The following PRDM4 variants were observed in gnomAD, a reference collection of about 807,000 sequenced individuals.
PRDM4 encodes the protein PR domain zinc finger protein 4.
PRDM4 carries 38 observed loss-of-function variants against 62.3 expected under a neutral mutation model. The ratio of observed to expected loss-of-function variants is 0.61; its 90% CI spans 0.47 to 0.80. The LOEUF (loss-of-function observed/expected upper bound fraction) is 0.80, where lower values mean the gene tolerates loss of function less well. Among genes scored for constraint, PRDM4 ranks in the 30% least tolerant of loss-of-function variants. PRDM4 has a pLI of 0.00. For synonymous variants in PRDM4, 339 were observed against 348.2 expected, an observed-to-expected ratio of 0.97 and a Z score of 0.30; for missense variants, 858 against 997.1, an observed-to-expected ratio of 0.86 and a Z score of 1.88.
intron 2 of PRDM4, chr12:107,759,976 T>C (rs2136339242): frequency 6.6e-6 from 1 of 152,432 alleles, no homozygotes; most frequent in South Asian, 2.1e-4. Flanking sequence ...TGCAGCCACT[T>C]TGAAAAATGC....
intron 3 of PRDM4, among the ~76,000 whole-genome samples, chr12:107,755,090 ATTT>A (rs879496922): frequency 1.4e-5 from 2 of 146,792 alleles, no homozygotes; most frequent in African/African-American, 5.0e-5. Context: ...CAGGGGCAAT[ATTT>A]TTTTTTTTTG....
Position 107,751,493 on chromosome 12 carries a change from G to T in PRDM4, c.1048C>A (p.Leu350Ile), listed in dbSNP as rs776684467. 3.7e-6 allele frequency: 6 copies of T among 1,613,894 alleles called. No individual in the cohort carries two copies. In the Admixed American group the frequency reaches 1.0e-4, roughly 27 times the overall value. ...TGCAGTGAAGGTGATACAAAAGAAA[G>T]ACTGTCTGAAGATACATCTACATGA... ...TGHVDVSSDS[L>I]SFVSPSLQME... Residue 350 changes from leucine (L) to isoleucine (I), a missense_variant, in exon 5 of 12, where the codon CTT becomes ATT. Physicochemically the swap from Leu to Ile is conservative, Grantham distance 5 (BLOSUM62 2). This residue lies in a region of PRDM4 where 499 missense variants were observed against 546.7 expected (regional missense o/e 0.91). Transcript: ENST00000228437.
chr12:107,742,088 G>T, intron 9 of PRDM4, 133 bp downstream of exon 9: 1 of 972,408 alleles, frequency 1.0e-6, no homozygotes, highest in Non-Finnish European at 1.5e-6. Context: ...TCAAATACAA[G>T]TAATAGTTTG....
chr12:107,747,897 T>C (rs1233410214), intron 5 of PRDM4, among the ~76,000 whole-genome samples: 1 of 152,120 alleles, frequency 6.6e-6, no homozygotes, highest in African/African-American at 2.4e-5. Flanking sequence ...ACCACAGGCA[T>C]GCACCACCAC....
At chr12:107,741,909 G>A (rs1267193424) in intron 9 of PRDM4, among the ~76,000 whole-genome samples, 5 of 152,130 alleles carry the variant, frequency 3.3e-5, no homozygotes, top group Admixed American at 6.6e-5. Context: ...TCAAACCGAG[G>A]GACTTCGCTG....
intron 7 of PRDM4, among the ~76,000 whole-genome samples, chr12:107,743,719 C>T (rs1186219325): frequency 6.6e-6 from 1 of 152,170 alleles, no homozygotes; most frequent in Non-Finnish European, 1.5e-5. Context: ...CTTACCTTTC[C>T]AAAGATCACA....
At position 107,743,205 on chromosome 12, in the gene PRDM4, G is replaced by A; in HGVS notation, c.1473C>T (p.Arg491=). 1 of 1,609,584 alleles carries A rather than the reference G, an allele frequency of 6.2e-7. No homozygotes were observed. The highest frequency in any genetic ancestry group is 1.1e-5 in the South Asian group (1 of 90,992). Residue 491 remains arginine (R), a synonymous_variant, in exon 8 of 12, where the codon CGC becomes CGT. Transcript: ENST00000228437. ...TCCAAGACTACTCATACCTGGCTTT[G>A]CGCACAAACATCATCCAATTACATT... ...ENECNWMMFV[R]KARNREEQNL...
intron 8 of PRDM4, among the ~76,000 whole-genome samples, chr12:107,742,913 C>T (rs898538980): frequency 1.8e-4 from 27 of 151,942 alleles, no homozygotes; most frequent in African/African-American, 6.5e-4. Flanking sequence ...CATGCATATA[C>T]CACAACACCC....
At chr12:107,750,073 T>A (rs892904245) in intron 5 of PRDM4, among the ~76,000 whole-genome samples, 2 of 152,180 alleles carry the variant, frequency 1.3e-5, no homozygotes, top group Non-Finnish European at 2.9e-5. Flanking sequence ...GGCTAGTTGC[T>A]CCCCTTCAGG....
At chr12:107,758,514 T>A (rs1891132817) in intron 2 of PRDM4, 1 of 152,138 alleles carries the variant, frequency 6.6e-6, no homozygotes, top group African/African-American at 2.4e-5. Flanking sequence ...AAACTTAAGA[T>A]TCAATGATGC....
At position 107,734,513 on chromosome 12, in the gene PRDM4, C is replaced by G; in HGVS notation, c.2103G>C (p.Gln701His). The G allele has an allele frequency of 1.2e-6, 2 of 1,609,720 alleles. No individual in the cohort carries two copies. Among genetic ancestry groups the G allele is most frequent in the Non-Finnish European group, 1.7e-6 (2 of 1,177,260 alleles). The change falls in exon 12 of 12, where the codon CAG becomes CAC. Residue 701 changes from glutamine (Q) to histidine (H), a missense_variant. Transcript: ENST00000228437. ...QHVLIHTQER[Q>H]IKCPKCDKLF... ...GCTTATCACACTTGGGACACTTGAT[C>G]TGGCGTTCTCTAAGAGGAACACAAG...
chr12:107,754,111 TACAAA>T lies in PRDM4; in HGVS notation c.146-7_146-3del. 1 of 1,572,786 alleles carries T rather than the reference TACAAA, an allele frequency of 6.4e-7. No homozygotes were observed. On this transcript the variant is annotated splice_region_variant and splice_polypyrimidine_tract_variant and intron_variant, in intron 3 of 11. Transcript: ENST00000228437. ...GGTTTGGAATTGCCACTGGGAGGCC[TACAAA>T]ACAAAATTTTTTTTCTCAGTTAAAA...
At chr12:107,744,439 G>A in intron 7 of PRDM4, 104 bp downstream of exon 7, 1 of 1,272,690 alleles carries the variant, frequency 7.9e-7, no homozygotes, top group African/African-American at 1.5e-5. Context: ...CCAGTGAATG[G>A]CACTGTATCA....
intron 11 of PRDM4, chr12:107,736,774 G>T (rs1270778819): frequency 2.0e-5 from 3 of 152,296 alleles, no homozygotes; most frequent in Non-Finnish European, 4.4e-5. Context: ...GGAGGCTACT[G>T]AAGCCATCCA....
intron 11 of PRDM4, among the ~76,000 whole-genome samples, chr12:107,738,750 C>T (rs1038844033): frequency 2.0e-5 from 3 of 152,314 alleles, no homozygotes; most frequent in Non-Finnish European, 4.4e-5. Context: ...GGGTATGTCA[C>T]TATGACACTC....
intron 2 of PRDM4, among the ~76,000 whole-genome samples, chr12:107,759,191 G>A (rs1351146083): frequency 6.6e-6 from 1 of 152,052 alleles, no homozygotes. Context: ...GGAGGTCGGG[G>A]CTACAGTGAG....
intron 5 of PRDM4, among the ~76,000 whole-genome samples, chr12:107,748,966 T>A (rs1890809438): frequency 6.6e-6 from 1 of 152,166 alleles, no homozygotes; most frequent in African/African-American, 2.4e-5. Context: ...TTAAAACATT[T>A]TAAAACTCTA....
At chr12:107,749,417 T>C (rs982152085) in intron 5 of PRDM4, among the ~76,000 whole-genome samples, 36 of 147,664 alleles carry the variant, frequency 2.4e-4, no homozygotes, top group African/African-American at 9.0e-4. Flanking sequence ...TTTTTTTTCC[T>C]GAGACAGGGT....
At chr12:107,742,395 A>T in intron 8 of PRDM4, 47 bp from the exon 9 acceptor site, 1 of 1,595,300 alleles carries the variant, frequency 6.3e-7, no homozygotes, top group Non-Finnish European at 8.6e-7. Context: ...TTTGAAATGC[A>T]TACTAAGTAC....
Sources: gnomAD v4.1 joint callset for allele counts (sites outside exome capture counted in the v4.1 genomes callset) on GRCh38, gnomAD v4.1.1 for gene constraint, gnomAD v4.1.1 regional missense constraint, MANE v1.5 for transcripts, NCBI Gene and HGNC (gene_info 2026-07-23, HGNC 2026-07-21) for gene names.